LRRTM1: variants seen among roughly 807,000 people sequenced by gnomAD.
LRRTM1 encodes the protein leucine rich repeat transmembrane neuronal 1, also known as leucine-rich repeat transmembrane neuronal protein 1.
LRRTM1 carries 8 observed loss-of-function variants against 37.3 expected under a neutral mutation model. That is an observed-to-expected ratio of 0.21 (90% CI 0.13 to 0.39). LRRTM1 has a LOEUF of 0.39. LRRTM1 is among the 10% of genes least tolerant of loss of function. The probability of loss-of-function intolerance (pLI) is 1.00; values close to 1 mark genes in which losing one functional copy is unlikely to be tolerated. For synonymous variants in LRRTM1, 326 were observed against 316.8 expected (o/e 1.03, Z -0.31); for missense variants, 557 against 691.0 (o/e 0.81, Z 2.17).
rs1017151345 is a variant in LRRTM1, at chr2:80,302,018, A to C, written c.*233T>G. The C allele has an allele frequency of 1.7e-5, 8 of 474,248 alleles. No homozygotes were observed. The highest frequency in any genetic ancestry group is 2.2e-5 in the Non-Finnish European group (6 of 274,158). 29.4% of individuals were successfully genotyped at this position (474,248 alleles called of 1,614,324 possible). A position where few individuals can be genotyped will look rare whatever the true frequency, so the allele number is the denominator to read the frequency against. Reference sequence around the variant, plus strand: ...GGAAGGAGTTCTCATATGAAATTTAAGATAGACTGTCCTGAAGGTTGTGGG... The same window carrying C: ...GGAAGGAGTTCTCATATGAAATTTACGATAGACTGTCCTGAAGGTTGTGGG... On this transcript the variant is annotated 3_prime_UTR_variant, in exon 2 of 2. Transcript: ENST00000295057. The surrounding 1 kb of genome is among the most constrained non-coding windows in gnomAD (Gnocchi z 6.4).
chr2:80,298,037 T>A (rs999136639), downstream of LRRTM1: 9 of 149,678 alleles, frequency 6.0e-5, no homozygotes, highest in African/African-American at 1.7e-4. Flanking sequence ...ATATTATATA[T>A]TATATATATA....
chr2:80,296,165 G>T (rs1456953993), intron 2 of LRRTM1, among the ~76,000 whole-genome samples: 1 of 152,078 alleles, frequency 6.6e-6, no homozygotes, highest in South Asian at 2.1e-4. Flanking sequence ...GGAAAATGAG[G>T]TATCTATCAC....
At chr2:80,294,652 A>G (rs1157442199) in intron 2 of LRRTM1, among the ~76,000 whole-genome samples, 1 of 152,036 alleles carries the variant, frequency 6.6e-6, no homozygotes, top group Non-Finnish European at 1.5e-5. Context: ...AATAATAATA[A>G]TAATAAAAAT....
chr2:80,294,836 C>A (rs1366415789), intron 2 of LRRTM1, among the ~76,000 whole-genome samples: 1 of 152,068 alleles, frequency 6.6e-6, no homozygotes, highest in Non-Finnish European at 1.5e-5. Flanking sequence ...AGAACGAATT[C>A]CTTCTTCTCA....
intron 2 of LRRTM1, among the ~76,000 whole-genome samples, chr2:80,290,168 G>A (rs1675113967): frequency 6.6e-6 from 1 of 152,154 alleles, no homozygotes; most frequent in Non-Finnish European, 1.5e-5. Context: ...GTACAGAAAA[G>A]TGCTGATTTA....
intron 2 of LRRTM1, chr2:80,289,256 TG>T (rs1432530657): frequency 6.6e-6 from 1 of 152,160 alleles, no homozygotes; most frequent in Non-Finnish European, 1.5e-5. Context: ...CTGAGGCAAG[TG>T]TCAAAGCATC....
At chr2:80,293,128 G>A (rs187580761) in intron 2 of LRRTM1, among the ~76,000 whole-genome samples, 8 of 152,318 alleles carry the variant, frequency 5.3e-5, no homozygotes, top group African/African-American at 1.9e-4. Flanking sequence ...GAGACAGTGA[G>A]GCAAAATAAC....
At chr2:80,300,279 GGGGTGTGTGTGTGTGTGTGTGT>G (rs1250575246), downstream of LRRTM1, among the ~76,000 whole-genome samples, 16 of 128,082 alleles carry the variant, frequency 1.2e-4, no homozygotes, top group Admixed American at 3.1e-4. Context: ...CTGGGGTGTT[GGGGTGTGTGTGTGTGTGTGTGT>G]GTGTGTGTGT....
chr2:80,288,951 CTCATGGGCCGACA>C (rs1675002405), exon 3 of LRRTM1: 12 of 152,256 alleles, frequency 7.9e-5, no homozygotes, highest in Admixed American at 6.5e-4. Flanking sequence ...AACACTGTTT[CTCATGGGCCGACA>C]GATATGGGAC....
rs1573642114 is a variant in LRRTM1, at chr2:80,302,196, G to A, written c.*55C>T. On this transcript the variant is annotated 3_prime_UTR_variant, in exon 2 of 2. Transcript: ENST00000295057. This position sits in a 1 kb window ranked among gnomAD's most constrained non-coding sequence, Gnocchi z 6.4. ...ACCCCAGCCTGGTGCCCGCCGGCCC[G>A]TCCCGGCTGCCCAGGCGTATTTGGT... 6.4e-7 allele frequency: 1 copy of A among 1,568,118 alleles called. No homozygotes were observed. Among genetic ancestry groups the A allele is most frequent in the South Asian group, 1.2e-5 (1 of 82,260 alleles).
In LRRTM1 at chr2:80,302,737, G is replaced by T; in HGVS notation, c.1083C>A (p.His361Gln). 6.2e-7 allele frequency: 1 copy of T among 1,613,170 alleles called. No individual in the cohort carries two copies. Among genetic ancestry groups the T allele is most frequent in the Non-Finnish European group, 8.5e-7 (1 of 1,179,920 alleles). ...TGGGCTCGGCCCCATCCTCGCACAG[G>T]TGGAAGGCGTACACGGCGTCCAGGA... is the stretch of plus-strand genomic sequence containing the variant. ...EDVLDAVYAFHLCEDGAEPTS... is the reference protein window; with the variant it reads ...EDVLDAVYAFQLCEDGAEPTS... The change falls in exon 2 of 2, where the codon CAC (histidine) becomes CAA (glutamine). Residue 361 changes from histidine to glutamine, a missense_variant. His to Gln is a conservative substitution (Grantham distance 24). Transcript: ENST00000295057. This position sits in a 1 kb window ranked among gnomAD's most constrained non-coding sequence, Gnocchi z 6.4.
At chr2:80,292,663 A>G (rs914587180) in intron 2 of LRRTM1, among the ~76,000 whole-genome samples, 1 of 152,214 alleles carries the variant, frequency 6.6e-6, no homozygotes, top group African/African-American at 2.4e-5. Context: ...TGATAGGCCT[A>G]TGCCAGCATA....
intron 2 of LRRTM1, among the ~76,000 whole-genome samples, chr2:80,295,426 T>C (rs1393603177): frequency 2.0e-5 from 3 of 152,228 alleles, no homozygotes; most frequent in African/African-American, 4.8e-5. Context: ...CCTACCTCTC[T>C]GAAGCCCCTG....
In LRRTM1 at chr2:80,293,408, TA is replaced by T. The variant is rs544066030; in HGVS notation, c.*307-4214del. Among the ~76,000 whole-genome samples, 385 of 152,348 alleles carry T rather than the reference TA, an allele frequency of 2.5e-3. 1 individual carries two copies. The highest frequency in any genetic ancestry group is 8.9e-3 in the African/African-American group (370 of 41,582). On this transcript the variant is annotated intron_variant and NMD_transcript_variant, in intron 2 of 2. Coordinates refer to the LRRTM1 transcript ENST00000417012. ...GATAAATATGCTGATGGTGAACACCTAAAAATATGTGATTTTTAAAGAGGAC... is the reference window on the plus strand; with the variant it reads ...GATAAATATGCTGATGGTGAACACCTAAAATATGTGATTTTTAAAGAGGAC...
Position 80,303,170 on chromosome 2 carries a change from T to C in LRRTM1, c.650A>G (p.Glu217Gly). Residue 217 changes from glutamate (E) to glycine (G), a missense_variant, in exon 2 of 2, where the codon GAG becomes GGG. Physicochemically the swap from Glu to Gly is moderately conservative, Grantham distance 98. Around this residue, in one of 5 missense-constraint regions of LRRTM1, gnomAD observed 200 missense variants for 249.9 expected, o/e 0.80. Coordinates refer to ENST00000295057, the MANE Select transcript of LRRTM1 (RefSeq NM_178839.5). This position sits in a 1 kb window ranked among gnomAD's most constrained non-coding sequence, Gnocchi z 7.7. Reference sequence around the variant, plus strand: ...GTTCACCTTGACCAAGTCGTTGTGCTCGAGGTGCAGCTCGGTGAGCTTAAA... The same window carrying C: ...GTTCACCTTGACCAAGTCGTTGTGCCCGAGGTGCAGCTCGGTGAGCTTAAA... ...GLFKLTELHL[E>G]HNDLVKVNFA... 1 of 1,614,048 alleles carries C rather than the reference T, an allele frequency of 6.2e-7. No homozygotes were observed. Among genetic ancestry groups the C allele is most frequent in the Non-Finnish European group, 8.5e-7 (1 of 1,179,986 alleles).
intron 2 of LRRTM1, among the ~76,000 whole-genome samples, chr2:80,292,604 T>C (rs1675363426): frequency 6.6e-6 from 1 of 152,182 alleles, no homozygotes; most frequent in Non-Finnish European, 1.5e-5. Flanking sequence ...GTTTCATAAA[T>C]GGATCAAGAA....
chr2:80,299,927 C>A (rs561980083), downstream of LRRTM1, among the ~76,000 whole-genome samples: 2 of 152,254 alleles, frequency 1.3e-5, no homozygotes, highest in East Asian at 3.9e-4. Context: ...GTTAAGTTCA[C>A]GGAATCCAAG....
Position 80,303,161 on chromosome 2 carries a change from T to A in LRRTM1, c.659A>T (p.Asp220Val). 2 of 1,613,982 alleles carry A rather than the reference T, an allele frequency of 1.2e-6. No homozygotes were observed. Among genetic ancestry groups the A allele is most frequent in the Non-Finnish European group, 1.7e-6 (2 of 1,179,968 alleles). The change falls in exon 2 of 2, where the codon GAC becomes GTC. Residue 220 changes from aspartate to valine, a missense_variant. Asp to Val is a radical substitution (Grantham distance 152, BLOSUM62 -3). This residue lies in a region of LRRTM1 where 200 missense variants were observed against 249.9 expected (regional missense o/e 0.80). Transcript: ENST00000295057. The surrounding 1 kb of genome is among the most constrained non-coding windows in gnomAD (Gnocchi z 7.7). ...KLTELHLEHN[D>V]LVKVNFAHFP... ...GTGGGCGAAGTTCACCTTGACCAAG[T>A]CGTTGTGCTCGAGGTGCAGCTCGGT...
intron 2 of LRRTM1, among the ~76,000 whole-genome samples, chr2:80,296,257 GGAA>G (rs964822938): frequency 8.5e-5 from 13 of 152,096 alleles, no homozygotes; most frequent in African/African-American, 3.1e-4. Flanking sequence ...TTTTGGTTGG[GGAA>G]GAAGAAGGCA....
Sources: allele counts gnomAD v4.1 joint callset (sites outside exome capture counted in the v4.1 genomes callset), GRCh38; gene constraint gnomAD v4.1.1; regional missense constraint gnomAD v4.1.1; non-coding constraint Gnocchi (gnomAD v3.1); transcripts MANE v1.5; gene names NCBI Gene and HGNC (gene_info 2026-07-23, HGNC 2026-07-21).